The following REPS2 variants were observed in gnomAD, a reference collection of about 807,000 sequenced individuals.
REPS2 encodes ralBP1-associated Eps domain-containing protein 2.
Under a neutral mutation model 53.6 loss-of-function variants are expected in REPS2, and 23 were observed. The observed-to-expected ratio is 0.43, with a 90% CI of 0.31 to 0.61. The LOEUF (loss-of-function observed/expected upper bound fraction) is 0.61, where lower values mean the gene tolerates loss of function less well. REPS2 is among the 20% of genes least tolerant of loss of function. The probability of loss-of-function intolerance (pLI) is 0.11; values close to 1 mark genes in which losing one functional copy is unlikely to be tolerated. For synonymous variants in REPS2, 238 were observed against 218.6 expected, an observed-to-expected ratio of 1.09 and a Z score of -0.78; for missense variants, 446 against 534.9, an observed-to-expected ratio of 0.83 and a Z score of 1.64.
rs746825534 is a variant in REPS2, at chrX:17,048,339, A to G, written c.907+857A>G. 2.4e-3 allele frequency among the ~76,000 whole-genome samples: 274 copies of G among 112,162 alleles called. 1 individual carries two copies. Among genetic ancestry groups the G allele is most frequent in the Non-Finnish European group, 4.4e-3 (234 of 53,281 alleles). On this transcript the variant is annotated intron_variant, in intron 6 of 17. Coordinates refer to ENST00000357277, the MANE Select transcript of REPS2 (RefSeq NM_004726.3). ...TTATTGACGGCAGAATAGTACAGAT[A>G]CAACAAATTAATGTTGACGTCATGA...
intron 13 of REPS2, among the ~76,000 whole-genome samples, chrX:17,099,042 A>G (rs1442326025): frequency 7.2e-5 from 8 of 111,744 alleles, no homozygotes; most frequent in Non-Finnish European, 1.9e-5. Context: ...TCCATCTCCA[A>G]AATGGCAACT....
chrX:17,053,983 A>G (rs1008820313), intron 7 of REPS2, among the ~76,000 whole-genome samples: 2 of 112,323 alleles, frequency 1.8e-5, no homozygotes, highest in Non-Finnish European at 3.8e-5. Flanking sequence ...TATTTGTCTT[A>G]TCTCTATGCT....
intron 1 of REPS2, among the ~76,000 whole-genome samples, chrX:16,966,163 ACT>A (rs766373281): frequency 9.0e-6 from 1 of 111,323 alleles, no homozygotes; most frequent in African/African-American, 3.3e-5. Context: ...TAGAGCAGTA[ACT>A]CTCAAACATT....
chrX:17,033,451 G>A (rs918701595), intron 5 of REPS2, among the ~76,000 whole-genome samples: 2 of 111,648 alleles, frequency 1.8e-5, no homozygotes, highest in African/African-American at 6.5e-5. Context: ...GTCACTTTCA[G>A]CTGACATGTC....
At chrX:16,981,956 C>A (rs2061024040) in intron 1 of REPS2, among the ~76,000 whole-genome samples, 1 of 111,454 alleles carries the variant, frequency 9.0e-6, no homozygotes, top group Admixed American at 9.6e-5. Flanking sequence ...TTAGCAGTCA[C>A]CCTCCATTGC....
At chrX:17,160,266 G>C in the REPS2 span, among the ~76,000 whole-genome samples, 2 of 112,584 alleles carry the variant, frequency 1.8e-5, no homozygotes, top group South Asian at 3.6e-4. Flanking sequence ...AAGGGAACCA[G>C]TACTTGATGA....
chrX:17,158,084 TC>T (rs1193070699), downstream of REPS2, among the ~76,000 whole-genome samples: 1 of 110,435 alleles, frequency 9.1e-6, no homozygotes, highest in Non-Finnish European at 1.9e-5. Flanking sequence ...CCCACAGTAA[TC>T]CCCTTTTGTG....
At chrX:17,078,715 C>T (rs1329661710) in intron 13 of REPS2, among the ~76,000 whole-genome samples, 1 of 112,303 alleles carries the variant, frequency 8.9e-6, no homozygotes, top group Non-Finnish European at 1.9e-5. Context: ...TGGAAATGCT[C>T]ACAGGTCTCT....
At chrX:17,085,476 C>A (rs1356263753) in intron 13 of REPS2, among the ~76,000 whole-genome samples, 1 of 111,695 alleles carries the variant, frequency 9.0e-6, no homozygotes, top group African/African-American at 3.2e-5. Flanking sequence ...GTTAGTATTG[C>A]GGTTTTAATA....
downstream of REPS2, among the ~76,000 whole-genome samples, chrX:17,157,492 A>G (rs1002706267): frequency 3.6e-5 from 4 of 112,092 alleles, no homozygotes; most frequent in Non-Finnish European, 5.6e-5. Flanking sequence ...ACTGAGTGCA[A>G]TTCTGCCTCT....
chrX:17,147,466 G>A lies in REPS2; in HGVS notation c.1968G>A (p.Pro656=), dbSNP rs1397691843. 7 of 1,201,444 alleles carry A rather than the reference G, an allele frequency of 5.8e-6. No individual in the cohort carries two copies. The highest frequency in any genetic ancestry group is 3.5e-5 in the African/African-American group (2 of 56,916). ...AAAACCAATTGGAACAACTTCGTCC[G>A]GTCACTGTGTTGTGACCCCCCCATG... ...ALENQLEQLR[P]VTVL Residue 656 remains proline (P), a synonymous_variant, in exon 18 of 18, where the codon CCG becomes CCA. Transcript: ENST00000357277.
the REPS2 span, among the ~76,000 whole-genome samples, chrX:17,187,816 A>G: frequency 4.4e-5 from 5 of 112,555 alleles, no homozygotes; most frequent in African/African-American, 1.3e-4. Context: ...CTGTGCCAAT[A>G]ATTGCTTAAG....
intron 13 of REPS2, among the ~76,000 whole-genome samples, chrX:17,089,427 G>A (rs1450098215): frequency 9.0e-6 from 1 of 111,349 alleles, no homozygotes; most frequent in Non-Finnish European, 1.9e-5. Flanking sequence ...CATTTTAAGT[G>A]TAAAATTTAA....
chrX:17,122,826 A>C (rs2063158169), intron 14 of REPS2, among the ~76,000 whole-genome samples: 1 of 112,149 alleles, frequency 8.9e-6, no homozygotes. Flanking sequence ...GGGCTATGTC[A>C]ACCCAAAAGG....
At chrX:17,022,038 A>G in intron 2 of REPS2, 85 bp from the exon 3 acceptor site, 862 of 671,212 alleles carry the variant, frequency 1.3e-3, no homozygotes, top group Non-Finnish European at 1.8e-3. Context: ...CTCAAAAATG[A>G]TTCATCGTTT....
chrX:17,089,375 TA>T (rs1205353150), intron 13 of REPS2, among the ~76,000 whole-genome samples: 9 of 111,174 alleles, frequency 8.1e-5, no homozygotes, highest in African/African-American at 2.9e-4. Context: ...ACCCTTAGCT[TA>T]AAAAAAACTT....
rs1395514876 is a variant in REPS2, at chrX:16,946,727, G to T, written c.-135G>T. ...CGGCCGCGCGGCAGCTGCGGGGCGTGGGGGTGGTGGTGGCGGCGGCGGTGG... is the reference window on the plus strand; with the variant it reads ...CGGCCGCGCGGCAGCTGCGGGGCGTTGGGGTGGTGGTGGCGGCGGCGGTGG... On this transcript the variant is annotated 5_prime_UTR_variant, in exon 1 of 18. Transcript: ENST00000357277. 4.0e-5 allele frequency: 27 copies of T among 676,454 alleles called. No individual in the cohort carries two copies. In the Admixed American group the frequency reaches 5.4e-4, roughly 14 times the overall value. The allele number at this position is 676,454 out of a possible 1,213,427, so 55.7% of individuals were successfully genotyped here.
chrX:17,015,464 G>T (rs1202973731), intron 2 of REPS2, among the ~76,000 whole-genome samples: 1 of 110,060 alleles, frequency 9.1e-6, no homozygotes, highest in African/African-American at 3.3e-5. Flanking sequence ...ACAACGTGCA[G>T]GTTTGTTACA....
At chrX:16,958,825 C>T (rs1328136900) in intron 1 of REPS2, among the ~76,000 whole-genome samples, 1 of 111,623 alleles carries the variant, frequency 9.0e-6, no homozygotes, top group Admixed American at 9.4e-5. Flanking sequence ...GAGAGTGGTT[C>T]AAGGGGGCAA....
Sources: gnomAD v4.1 joint callset for allele counts (sites outside exome capture counted in the v4.1 genomes callset) on GRCh38, gnomAD v4.1.1 for gene constraint, MANE v1.5 for transcripts, NCBI Gene and HGNC (gene_info 2026-07-23, HGNC 2026-07-21) for gene names.